The following PRKDC variants were observed in gnomAD, a reference collection of about 807,000 sequenced individuals.
PRKDC encodes the protein DNA-dependent protein kinase catalytic subunit.
In PRKDC, 82 loss-of-function variants were observed where a neutral mutation model predicts 486.9. The observed-to-expected ratio is 0.17, with a 90% confidence interval of 0.14 to 0.20. The LOEUF (loss-of-function observed/expected upper bound fraction) is 0.20, where lower values mean the gene tolerates loss of function less well. PRKDC is among the 10% of genes least tolerant of loss of function. The pLI is 1.00. For missense variants in PRKDC, 4,504 were observed against 5,038.2 expected (o/e 0.89, Z 3.21); for synonymous variants, 1,895 against 1,837.0 (o/e 1.03, Z -0.81).
chr8:47,778,793 A>G lies in PRKDC; in HGVS notation c.11586T>C (p.Ala3862=). 6.2e-7 allele frequency: 1 copy of G among 1,613,432 alleles called. No individual in the cohort carries two copies. Among genetic ancestry groups the G allele is most frequent in the African/African-American group, 1.3e-5 (1 of 75,060 alleles). The change falls in exon 82 of 86, where the codon GCT becomes GCC. Residue 3862 remains alanine, a synonymous_variant. Coordinates refer to ENST00000314191, the MANE Select transcript of PRKDC (RefSeq NM_006904.7). The part of the protein sequence containing the change: ...VGAYMLMYKG[A]NRTETVTSFR... ...AAGACGTGACTGTTTCAGTACGATT[A>G]GCGCCCCTATGATTTAATAATAGAA...
intron 21 of PRKDC, among the ~76,000 whole-genome samples, chr8:47,926,421 T>C (rs1011437714): frequency 4.6e-5 from 7 of 152,236 alleles, no homozygotes; most frequent in Non-Finnish European, 1.0e-4. Flanking sequence ...AAAATAATGA[T>C]TTACACAGGT....
chr8:47,794,904 T>A (rs148292728), intron 73 of PRKDC, among the ~76,000 whole-genome samples: 5 of 152,324 alleles, frequency 3.3e-5, no homozygotes, highest in East Asian at 1.9e-4. Flanking sequence ...TTATTTATTT[T>A]TTTGAGATGG....
At chr8:47,959,339 T>G (rs1362534336) in intron 1 of PRKDC, 1 of 152,158 alleles carries the variant, frequency 6.6e-6, no homozygotes, top group Non-Finnish European at 1.5e-5. Flanking sequence ...ATAGAGGGGT[T>G]TGGAAAAGGT....
At chr8:47,836,072 T>G (rs1006466983) in intron 58 of PRKDC, among the ~76,000 whole-genome samples, 1 of 152,126 alleles carries the variant, frequency 6.6e-6, no homozygotes, top group Non-Finnish European at 1.5e-5. Context: ...GCACTTTTCC[T>G]CTTGCAAAAC....
intron 65 of PRKDC, 146 bp downstream of exon 65, chr8:47,821,458 A>T (rs2087593546): frequency 1.4e-6 from 1 of 698,190 alleles, no homozygotes; most frequent in East Asian, 2.7e-5. Flanking sequence ...TAACAATACT[A>T]TGGGGTTTGT....
rs1227989815 is a variant in PRKDC at position 47,897,146 on chromosome 8, T to C, written c.3598+15A>G. On this transcript the variant is annotated intron_variant, in intron 30 of 85. Coordinates refer to ENST00000314191, the MANE Select transcript of PRKDC (RefSeq NM_006904.7). ...AAGCACCGTGGTGAAATTAAAGATA[T>C]ACAGATTACCATACCTGGCAATAAA... 2.5e-6 allele frequency: 4 copies of C among 1,578,656 alleles called. No individual in the cohort carries two copies. The highest frequency in any genetic ancestry group is 3.5e-6 in the Non-Finnish European group (4 of 1,152,920).
At chr8:47,930,259 G>C (rs564778026) in intron 17 of PRKDC, among the ~76,000 whole-genome samples, 2 of 152,126 alleles carry the variant, frequency 1.3e-5, no homozygotes, top group East Asian at 3.9e-4. Context: ...TACAGATTTT[G>C]TCTTTTATTA....
intron 25 of PRKDC, among the ~76,000 whole-genome samples, chr8:47,908,133 C>T (rs895083804): frequency 6.6e-5 from 10 of 152,226 alleles, no homozygotes; most frequent in African/African-American, 1.2e-4. Flanking sequence ...GTGCCTGTGT[C>T]GCCCCACCAA....
In PRKDC at chr8:47,774,259, C is replaced by G. The variant is rs754802787; in HGVS notation, c.12301G>C (p.Glu4101Gln). The G allele has an allele frequency of 1.2e-6, 2 of 1,608,310 alleles. No individual in the cohort carries two copies. Among genetic ancestry groups the G allele is most frequent in the African/African-American group, 2.7e-5 (2 of 74,850 alleles). Residue 4101 changes from glutamate (E) to glutamine (Q), a missense_variant, in exon 86 of 86, where the codon GAG becomes CAG. Physicochemically the swap from Glu to Gln is conservative, Grantham distance 29. Around this residue, in one of 6 missense-constraint regions of PRKDC, gnomAD observed 706 missense variants for 945.0 expected, o/e 0.75. Transcript: ENST00000314191. ...AQEPESGLSE[E>Q]TQVKCLMDQA... is the part of the protein sequence containing the mutation. ...TCCATCAGGCACTTCACTTGAGTCT[C>G]TTCTGAAAGCCCACTCTCTGGTTCT... is the stretch of plus-strand genomic sequence containing the variant.
chr8:47,932,975 T>C, intron 16 of PRKDC, 45 bp downstream of exon 16: 1 of 1,493,384 alleles, frequency 6.7e-7, no homozygotes, highest in East Asian at 2.3e-5. Flanking sequence ...CAAAGACAGC[T>C]GATACAAAAA....
chr8:47,918,522 A>T, intron 21 of PRKDC, 139 bp from the exon 22 acceptor site: 1 of 544,118 alleles, frequency 1.8e-6, no homozygotes, highest in Non-Finnish European at 3.0e-6. Context: ...TTTCTAAAAC[A>T]AAAAATATAA....
chr8:47,879,745 A>G, intron 38 of PRKDC, 87 bp from the exon 39 acceptor site: 1 of 1,158,852 alleles, frequency 8.6e-7, no homozygotes, highest in Non-Finnish European at 1.2e-6. Flanking sequence ...AGACATTGCA[A>G]ATAAAGCATT....
chr8:47,839,953 G>T, intron 55 of PRKDC, 63 bp downstream of exon 55: 1 of 1,336,982 alleles, frequency 7.5e-7, no homozygotes, highest in Non-Finnish European at 1.0e-6. Context: ...CTCCAGCCTC[G>T]TCGACAGAGC....
In PRKDC at chr8:47,873,984, A is replaced by ATT. The variant is rs1200890690; in HGVS notation, c.5363+3738_5363+3739dup. Reference sequence around the variant, plus strand: ...TGATTACAGTCAATGGTATTTTGCTATTTTTTTTTTTTTTTTTTTTGAGAC... The same window carrying ATT: ...TGATTACAGTCAATGGTATTTTGCTATTTTTTTTTTTTTTTTTTTTTTGAGAC... On this transcript the variant is annotated intron_variant, in intron 40 of 85. Transcript: ENST00000314191. 2.9e-3 allele frequency among the ~76,000 whole-genome samples: 379 copies of ATT among 130,110 alleles called. 5 individuals are homozygous for ATT. Among genetic ancestry groups the ATT allele is most frequent in the African/African-American group, 9.9e-3 (344 of 34,622 alleles). The allele number at this position is 130,110 out of a possible 152,430, so 85.4% of individuals were successfully genotyped here.
intron 17 of PRKDC, 74 bp from the exon 18 acceptor site, chr8:47,930,086 G>A (rs1042202082): frequency 1.7e-5 from 22 of 1,291,922 alleles, no homozygotes; most frequent in African/African-American, 7.5e-5. Flanking sequence ...GGACATAATC[G>A]AACAACTAAG....
At chr8:47,955,575 T>C (rs2090688518) in intron 4 of PRKDC, among the ~76,000 whole-genome samples, 1 of 152,050 alleles carries the variant, frequency 6.6e-6, no homozygotes, top group Non-Finnish European at 1.5e-5. Flanking sequence ...CTAATAGCAT[T>C]AGGTTTTGCC....
At chr8:47,825,619 G>C (rs773136298) in intron 63 of PRKDC, among the ~76,000 whole-genome samples, 1 of 147,086 alleles carries the variant, frequency 6.8e-6, no homozygotes, top group Non-Finnish European at 1.5e-5. Context: ...AGAAAAAAAT[G>C]TTTAAAGTTT....
intron 29 of PRKDC, 145 bp from the exon 30 acceptor site, chr8:47,897,439 T>TTATA (rs1219874578): frequency 3.7e-6 from 3 of 808,964 alleles, no homozygotes; most frequent in South Asian, 7.3e-5. Flanking sequence ...TTTTAATGTA[T>TTATA]TATAATTAGA....
At chr8:47,896,051 A>T (rs1041167005) in intron 30 of PRKDC, among the ~76,000 whole-genome samples, 31 of 152,258 alleles carry the variant, frequency 2.0e-4, no homozygotes, top group African/African-American at 4.6e-4. Flanking sequence ...GGGAAAAAAA[A>T]TTTTTTTAAA....
Sources: allele counts gnomAD v4.1 joint callset (sites outside exome capture counted in the v4.1 genomes callset), GRCh38; gene constraint gnomAD v4.1.1; regional missense constraint gnomAD v4.1.1; transcripts MANE v1.5; gene names NCBI Gene and HGNC (gene_info 2026-07-23, HGNC 2026-07-21).